The following FHIT variants were observed in gnomAD, a reference collection of about 807,000 sequenced individuals.
FHIT encodes the protein fragile histidine triad diadenosine triphosphatase, also known as bis(5'-adenosyl)-triphosphatase.
In FHIT, 19 loss-of-function variants were observed where a neutral mutation model predicts 17.9. That is an observed-to-expected ratio of 1.06 (90% CI 0.74 to 1.56). FHIT has a LOEUF of 1.56. Ranked by LOEUF, FHIT falls within the 40% of genes most tolerant of loss-of-function variation. The pLI is 0.00. For synonymous variants in FHIT, 81 were observed against 69.7 expected (o/e 1.16, Z -0.81); for missense variants, 248 against 189.2 (o/e 1.31, Z -1.82).
chr3:59,869,582 C>T (rs757508391), intron 8 of FHIT, among the ~76,000 whole-genome samples: 16 of 148,176 alleles, frequency 1.1e-4, no homozygotes, highest in South Asian at 2.2e-4. Context: ...CCCGGGTTCA[C>T]GCCATTCTCC....
chr3:61,041,818 C>A (rs927041860), intron 3 of FHIT, among the ~76,000 whole-genome samples: 4 of 151,790 alleles, frequency 2.6e-5, no homozygotes, highest in African/African-American at 4.8e-5. Context: ...AAAGATATAA[C>A]AAAAGTAATT....
intron 3 of FHIT, among the ~76,000 whole-genome samples, chr3:60,919,329 A>G (rs1707161300): frequency 6.6e-6 from 1 of 152,144 alleles, no homozygotes; most frequent in Admixed American, 6.5e-5. Context: ...ACAAACTTAA[A>G]CACAAAGTGG....
chr3:60,926,511 G>C, intron 3 of FHIT, among the ~76,000 whole-genome samples: 1 of 152,136 alleles, frequency 6.6e-6, no homozygotes, highest in East Asian at 1.9e-4. Flanking sequence ...AAACCAATGA[G>C]AACAAAGACA....
intron 8 of FHIT, among the ~76,000 whole-genome samples, chr3:59,785,651 T>C (rs1702817968): frequency 6.6e-6 from 1 of 152,106 alleles, no homozygotes; most frequent in African/African-American, 2.4e-5. Flanking sequence ...TGTATTCAGG[T>C]AGAAAAAGAA....
chr3:60,069,358 A>C (rs912228288), intron 5 of FHIT, among the ~76,000 whole-genome samples: 8 of 152,262 alleles, frequency 5.3e-5, no homozygotes, highest in African/African-American at 1.9e-4. Context: ...TGTATAGTTT[A>C]ATCCCAACCT....
intron 7 of FHIT, among the ~76,000 whole-genome samples, chr3:59,981,046 A>T (rs1708631885): frequency 6.6e-6 from 1 of 152,170 alleles, no homozygotes; most frequent in South Asian, 2.1e-4. Context: ...TTTAGTGGTT[A>T]TTCACTATTA....
At chr3:59,981,638 G>A (rs1347413181) in intron 7 of FHIT, among the ~76,000 whole-genome samples, 2 of 152,158 alleles carry the variant, frequency 1.3e-5, no homozygotes, top group East Asian at 1.9e-4. Flanking sequence ...AACATACCAC[G>A]GTGCCCGCAC....
chr3:61,090,987 T>C (rs1472507781), intron 2 of FHIT, among the ~76,000 whole-genome samples: 1 of 152,180 alleles, frequency 6.6e-6, no homozygotes, highest in African/African-American at 2.4e-5. Context: ...TTTCTGTCAC[T>C]CACAATCTGT....
At chr3:61,099,911 C>T (rs1336508989) in intron 2 of FHIT, among the ~76,000 whole-genome samples, 2 of 152,112 alleles carry the variant, frequency 1.3e-5, no homozygotes, top group African/African-American at 4.8e-5. Context: ...TTGAACAATT[C>T]TACAAGTATT....
chr3:60,104,005 G>A (rs993853429), intron 5 of FHIT, among the ~76,000 whole-genome samples: 3 of 151,964 alleles, frequency 2.0e-5, no homozygotes, highest in South Asian at 2.1e-4. Context: ...ATCAGATATG[G>A]GCTCATATTT....
chr3:60,100,177 G>C (rs528061144), intron 5 of FHIT, among the ~76,000 whole-genome samples: 1 of 152,032 alleles, frequency 6.6e-6, no homozygotes, highest in East Asian at 1.9e-4. Context: ...TCAGGAGTTC[G>C]AGACCAGCCT....
intron 3 of FHIT, among the ~76,000 whole-genome samples, chr3:61,040,527 GTCAC>G (rs1231035347): frequency 7.2e-5 from 11 of 152,208 alleles, no homozygotes; most frequent in East Asian, 1.9e-4. Context: ...TCTGAATATT[GTCAC>G]TGTTTTTTAA....
intron 7 of FHIT, among the ~76,000 whole-genome samples, chr3:59,969,483 C>A (rs944421511): frequency 1.3e-5 from 2 of 152,068 alleles, no homozygotes; most frequent in African/African-American, 2.4e-5. Flanking sequence ...TTCACCCCAA[C>A]CTCTGCAGTG....
intron 7 of FHIT, among the ~76,000 whole-genome samples, chr3:59,974,777 A>G (rs1415596323): frequency 6.6e-6 from 1 of 152,114 alleles, no homozygotes; most frequent in Non-Finnish European, 1.5e-5. Context: ...TCATGTTGCA[A>G]AGCTACCTAA....
Position 60,968,653 on chromosome 3 carries a change from C to T in FHIT, c.-111+73394G>A, listed in dbSNP as rs547217761. Among the ~76,000 whole-genome samples the T allele has an allele frequency of 2.0e-5, 3 of 152,264 alleles. No homozygotes were observed. In the South Asian group the frequency reaches 6.2e-4, roughly 32 times the overall value. On this transcript the variant is annotated intron_variant, in intron 3 of 9. Coordinates refer to ENST00000492590, the MANE Select transcript of FHIT (RefSeq NM_002012.4). Reference sequence around the variant, plus strand: ...GTCTCGAACTCCTGACCTCATGATCCACCCGCCTTGGCCTCCCAAAGTGCT... The same window carrying T: ...GTCTCGAACTCCTGACCTCATGATCTACCCGCCTTGGCCTCCCAAAGTGCT...
rs75825779 is a variant in FHIT, at chr3:61,086,587, A to T, written c.-163-44488T>A. Among the ~76,000 whole-genome samples, 31 of 152,298 alleles carry T rather than the reference A, an allele frequency of 2.0e-4. No homozygotes were observed. The East Asian group carries it at 5.8e-3, about 28-fold the overall frequency. ...AAATCAACAAATGCTTCAAAAAGAA[A>T]AAGAATGAGAATGTTGAAGTCACTT... On this transcript the variant is annotated intron_variant, in intron 2 of 9. Coordinates refer to ENST00000492590, the MANE Select transcript of FHIT (RefSeq NM_002012.4).
At chr3:59,984,462 G>A (rs1708802640) in intron 7 of FHIT, among the ~76,000 whole-genome samples, 1 of 151,962 alleles carries the variant, frequency 6.6e-6, no homozygotes, top group South Asian at 2.1e-4. Flanking sequence ...GACATAGGAA[G>A]CTGGGGAATT....
At chr3:60,762,029 A>G (rs985436502) in intron 4 of FHIT, among the ~76,000 whole-genome samples, 6 of 152,150 alleles carry the variant, frequency 3.9e-5, no homozygotes, top group African/African-American at 1.4e-4. Context: ...ACATATCCAA[A>G]GAGACCTCAG....
chr3:60,398,225 G>C (rs907464270), intron 5 of FHIT, among the ~76,000 whole-genome samples: 1 of 152,170 alleles, frequency 6.6e-6, no homozygotes, highest in Non-Finnish European at 1.5e-5. Context: ...CTGTAGCTAT[G>C]AGGAATGGGA....
Sources: gnomAD v4.1 joint callset for allele counts (sites outside exome capture counted in the v4.1 genomes callset) on GRCh38, gnomAD v4.1.1 for gene constraint, MANE v1.5 for transcripts, NCBI Gene and HGNC (gene_info 2026-07-23, HGNC 2026-07-21) for gene names.